TEX9: variants seen among roughly 807,000 people sequenced by gnomAD.
TEX9 encodes testis expressed 9.
In TEX9, 74 loss-of-function variants were observed where a neutral mutation model predicts 59.6. The ratio of observed to expected loss-of-function variants is 1.24; its 90% CI spans 1.03 to 1.51. TEX9 has a LOEUF of 1.51. Ranked by LOEUF, TEX9 falls within the 40% of genes most tolerant of loss-of-function variation. TEX9 has a pLI of 0.00. For missense variants in TEX9, 522 were observed against 447.8 expected, an observed-to-expected ratio of 1.17 and a Z score of -1.49; for synonymous variants, 186 against 152.2, an observed-to-expected ratio of 1.22 and a Z score of -1.64.
At chr15:56,260,789 T>C (rs1309728744) in intron 1 of TEX9, among the ~76,000 whole-genome samples, 1 of 152,030 alleles carries the variant, frequency 6.6e-6, no homozygotes, top group Non-Finnish European at 1.5e-5. Flanking sequence ...CGTTTTTTCT[T>C]TCTTTCCTGA....
chr15:56,325,622 G>T (rs1317262826), intron 1 of TEX9, among the ~76,000 whole-genome samples: 1 of 152,086 alleles, frequency 6.6e-6, no homozygotes, highest in African/African-American at 2.4e-5. Context: ...CTCTCATAAT[G>T]TAAGGTAAAG....
chr15:56,275,812 T>A (rs187257823), intron 1 of TEX9, among the ~76,000 whole-genome samples: 32 of 152,284 alleles, frequency 2.1e-4, no homozygotes, highest in Non-Finnish European at 3.2e-4. Flanking sequence ...TTGTTTAGCT[T>A]TAAAAAAAAT....
chr15:56,260,515 T>TA (rs1195428447), intron 1 of TEX9, among the ~76,000 whole-genome samples: 1 of 152,024 alleles, frequency 6.6e-6, no homozygotes, highest in African/African-American at 2.4e-5. Context: ...ATTATTTACA[T>TA]AAAAAAAGCA....
At chr15:56,354,633 A>AT (rs1299690303) in intron 1 of TEX9, among the ~76,000 whole-genome samples, 8 of 152,278 alleles carry the variant, frequency 5.3e-5, no homozygotes, top group East Asian at 1.9e-4. Flanking sequence ...CAAGATGTAC[A>AT]TTTTTTTCAC....
intron 1 of TEX9, among the ~76,000 whole-genome samples, chr15:56,255,359 T>C (rs1350490629): frequency 1.3e-5 from 2 of 152,026 alleles, no homozygotes. Flanking sequence ...TTTATAACTT[T>C]TATATAGCTG....
intron 1 of TEX9, among the ~76,000 whole-genome samples, chr15:56,358,366 C>G (rs1347814130): frequency 2.7e-5 from 4 of 146,024 alleles, no homozygotes; most frequent in Non-Finnish European, 6.0e-5. Flanking sequence ...AGAATCTGGT[C>G]GTTGTGCAGT....
intron 1 of TEX9, among the ~76,000 whole-genome samples, chr15:56,285,325 G>A (rs899622849): frequency 3.5e-4 from 53 of 152,044 alleles, no homozygotes; most frequent in African/African-American, 1.2e-3. Context: ...CTGGTGTTGC[G>A]GGAAACAGAG....
At chr15:56,255,532 C>T (rs1445137010) in intron 1 of TEX9, among the ~76,000 whole-genome samples, 14 of 151,664 alleles carry the variant, frequency 9.2e-5, no homozygotes, top group South Asian at 6.2e-4. Context: ...GAAATAAAAA[C>T]GTAGAAAGAT....
chr15:56,344,656 A>G (rs1258911328), intron 1 of TEX9, among the ~76,000 whole-genome samples: 2 of 152,164 alleles, frequency 1.3e-5, no homozygotes, highest in African/African-American at 2.4e-5. Flanking sequence ...TGTGTATTAT[A>G]TACTCCAATG....
intron 9 of TEX9, chr15:56,397,619 A>C (rs956224382): frequency 6.6e-6 from 1 of 152,144 alleles, no homozygotes; most frequent in Non-Finnish European, 1.5e-5. Flanking sequence ...ATGTGAGGAC[A>C]TGAGATTTGG....
intron 1 of TEX9, among the ~76,000 whole-genome samples, chr15:56,307,756 CT>C (rs1158214125): frequency 6.6e-5 from 10 of 152,202 alleles, no homozygotes; most frequent in Admixed American, 4.6e-4. Flanking sequence ...CCCCCAGTCT[CT>C]GAGTCTCTGG....
At chr15:56,360,413 A>T (rs753217152) in intron 1 of TEX9, among the ~76,000 whole-genome samples, 1 of 152,104 alleles carries the variant, frequency 6.6e-6, no homozygotes, top group Admixed American at 6.6e-5. Context: ...CAGATTATCT[A>T]TTTCTCCTTG....
intron 9 of TEX9, among the ~76,000 whole-genome samples, chr15:56,403,532 A>G (rs1396084175): frequency 2.0e-5 from 3 of 152,276 alleles, no homozygotes; most frequent in African/African-American, 7.2e-5. Context: ...GGAAGAATCA[A>G]TATCGTGAAA....
At chr15:56,379,074 AAAAAAAAAAAGAAAGAAAG>A (rs2142102322) in intron 3 of TEX9, among the ~76,000 whole-genome samples, 1 of 144,838 alleles carries the variant, frequency 6.9e-6, no homozygotes, top group African/African-American at 2.5e-5. Flanking sequence ...AAAGAAACAA[AAAAAAAAAAAGAAAGAAAG>A]AAAAAAAAAG....
chr15:56,354,663 C>T (rs1426678162), intron 1 of TEX9, among the ~76,000 whole-genome samples: 1 of 152,106 alleles, frequency 6.6e-6, no homozygotes, highest in East Asian at 1.9e-4. Context: ...TATCTGAAGT[C>T]AGAGGCATCT....
At chr15:56,383,909 T>G (rs763399201) in intron 3 of TEX9, 43 bp from the exon 4 acceptor site, 24 of 1,467,812 alleles carry the variant, frequency 1.6e-5, no homozygotes, top group East Asian at 2.3e-5. Context: ...AATGGTTTGG[T>G]TTTTTTTCTA....
At chr15:56,444,954 G>T (rs1445220056) in intron 12 of TEX9, among the ~76,000 whole-genome samples, 5 of 151,960 alleles carry the variant, frequency 3.3e-5, no homozygotes, top group African/African-American at 7.2e-5. Context: ...GAATACAATT[G>T]TAAGTAGTTT....
chr15:56,373,556 C>T, intron 3 of TEX9, 52 bp downstream of exon 3: 2 of 1,423,778 alleles, frequency 1.4e-6, no homozygotes, highest in South Asian at 1.4e-5. Context: ...AGTTTTTTAT[C>T]TTTTTCATTT....
chr15:56,343,146 A>C (rs138225050), intron 1 of TEX9, among the ~76,000 whole-genome samples: 2 of 152,324 alleles, frequency 1.3e-5, no homozygotes, highest in East Asian at 1.9e-4. Context: ...AATTTAAAAC[A>C]GTTCATAGAT....
Sources: gnomAD v4.1 joint callset for allele counts (sites outside exome capture counted in the v4.1 genomes callset) on GRCh38, gnomAD v4.1.1 for gene constraint, MANE v1.5 for transcripts, NCBI Gene and HGNC (gene_info 2026-07-23, HGNC 2026-07-21) for gene names.